Variants in SLC33A1 observed in about 807,000 individuals in gnomAD.
SLC33A1 encodes solute carrier family 33 member 1.
Under a neutral mutation model 50.0 loss-of-function variants are expected in SLC33A1, and 20 were observed. The observed-to-expected ratio is 0.40, with a 90% confidence interval of 0.28 to 0.58. SLC33A1 has a LOEUF of 0.58. Among genes scored for constraint, SLC33A1 ranks in the 20% least tolerant of loss-of-function variants. The pLI, the probability that SLC33A1 is intolerant of heterozygous loss-of-function variation, is 0.44. For missense variants in SLC33A1, 476 were observed against 657.0 expected, an observed-to-expected ratio of 0.72 and a Z score of 3.01; for synonymous variants, 265 against 251.8, an observed-to-expected ratio of 1.05 and a Z score of -0.50.
rs997418835 is a variant in SLC33A1, at chr3:155,827,610, A to G, written c.*600T>C. On this transcript the variant is annotated 3_prime_UTR_variant, in exon 6 of 6. Transcript: ENST00000643144. ...TCTTTAATGCTTACAAAAGCAGGAA[A>G]TACATTTAAAATAGTCTTTTTAACA... 17 of 152,226 alleles carry G rather than the reference A, an allele frequency of 1.1e-4. No homozygotes were observed. Among genetic ancestry groups the G allele is most frequent in the African/African-American group, 4.1e-4 (17 of 41,464 alleles). The allele number at this position is 152,226 out of a possible 1,614,324, so 9.4% of individuals were successfully genotyped here.
Position 155,821,764 on chromosome 3 carries a change from C to A in SLC33A1, c.*6446G>T, listed in dbSNP as rs1026451605. 7.2e-6 allele frequency: 1 copy of A among 138,466 alleles called. No individual in the cohort carries two copies. Among genetic ancestry groups the A allele is most frequent in the African/African-American group, 3.3e-5 (1 of 30,064 alleles). The allele number at this position is 138,466 out of a possible 1,614,324, so 8.6% of individuals were successfully genotyped here. A position where few individuals can be genotyped will look rare whatever the true frequency, so the allele number is the denominator to read the frequency against. ...TACAGACGTGAGCCACTGGACCCGG[C>A]CGCATTTTTTTTTTTTTTTTTTAAT... On this transcript the variant is annotated 3_prime_UTR_variant, in exon 6 of 6. Coordinates refer to ENST00000643144, the MANE Select transcript of SLC33A1 (RefSeq NM_004733.4).
chr3:155,829,972 C>T, intron 4 of SLC33A1, 69 bp from the exon 5 acceptor site: 2 of 977,896 alleles, frequency 2.0e-6, no homozygotes, highest in Non-Finnish European at 1.6e-6. Context: ...AAATTAAGAA[C>T]ATCAAAGTCA....
At chr3:155,852,461 A>T (rs573920258) in intron 1 of SLC33A1, among the ~76,000 whole-genome samples, 1 of 152,366 alleles carries the variant, frequency 6.6e-6, no homozygotes, top group Non-Finnish European at 1.5e-5. Context: ...AAATCTTACT[A>T]ATTTAGTCAC....
rs1323687264 is a variant in SLC33A1, at chr3:155,853,761, G to T, written c.237C>A (p.Leu79=). Residue 79 remains leucine, a synonymous_variant, in exon 1 of 6, where the codon CTC becomes CTA. Coordinates refer to ENST00000643144, the MANE Select transcript of SLC33A1 (RefSeq NM_004733.4). The part of the protein sequence containing the change: ...RAELSSILLL[L]FLYVLQGIPL... The stretch of plus-strand genomic sequence containing the variant: ...GAATACCCTGAAGCACGTAAAGAAA[G>T]AGTAGTAGCAAAATGCTGCTTAGTT... The T allele has an allele frequency of 1.2e-6, 2 of 1,614,020 alleles. No homozygotes were observed. The highest frequency in any genetic ancestry group is 4.5e-5 in the East Asian group (2 of 44,880).
At position 155,825,359 on chromosome 3, in the gene SLC33A1, T is replaced by C. The variant is rs914027817; in HGVS notation, c.*2851A>G. 1 of 152,094 alleles carries C rather than the reference T, an allele frequency of 6.6e-6. No individual in the cohort carries two copies. The highest frequency in any genetic ancestry group is 2.4e-5 in the African/African-American group (1 of 41,416). The allele number at this position is 152,094 out of a possible 1,614,324, so 9.4% of individuals were successfully genotyped here. On this transcript the variant is annotated 3_prime_UTR_variant, in exon 6 of 6. Transcript: ENST00000643144. ...GTCATAAAGACAGGTTCTTATTATA[T>C]TGACCAGGTTGGTCTTGAACTCTTG...
rs1224945846 is a variant in SLC33A1, at chr3:155,833,920, A to G, written c.1085T>C (p.Ile362Thr). The G allele has an allele frequency of 1.2e-6, 2 of 1,613,960 alleles. No homozygotes were observed. ...MVPLQIILPL[I>T]ISKYTAGPQP... ...GGGACCTGCAGTGTATTTGCTGATA[A>G]TCAGAGGCAGTATTATCTGCAAAGG... Residue 362 changes from isoleucine (I) to threonine (T), a missense_variant, in exon 3 of 6, where the codon ATT becomes ACT. Physicochemically the swap from Ile to Thr is moderately conservative, Grantham distance 89. Coordinates refer to ENST00000643144, the MANE Select transcript of SLC33A1 (RefSeq NM_004733.4).
intron 1 of SLC33A1, among the ~76,000 whole-genome samples, chr3:155,851,040 G>A (rs926228332): frequency 5.9e-5 from 9 of 151,862 alleles, no homozygotes; most frequent in African/African-American, 1.2e-4. Context: ...TCAGGAGATC[G>A]AGACCATCCT....
chr3:155,840,508 C>T (rs1752888439), intron 2 of SLC33A1, among the ~76,000 whole-genome samples: 1 of 151,788 alleles, frequency 6.6e-6, no homozygotes, highest in Non-Finnish European at 1.5e-5. Context: ...AGGGTGAAAC[C>T]CTCTCTTCAT....
In SLC33A1 at chr3:155,848,515, T is replaced by C. The variant is rs9826557; in HGVS notation, c.775+4708A>G. 6.2e-3 allele frequency among the ~76,000 whole-genome samples: 945 copies of C among 152,216 alleles called. 16 individuals carry two copies. The highest frequency in any genetic ancestry group is 0.021 in the African/African-American group (892 of 41,520). On this transcript the variant is annotated intron_variant, in intron 1 of 5. Coordinates refer to ENST00000643144, the MANE Select transcript of SLC33A1 (RefSeq NM_004733.4). ...GGCTAACATGGTGCAACCCTGTCTCTACTAAAAATACAAAAAATTAGCAGG... is the reference window on the plus strand; with the variant it reads ...GGCTAACATGGTGCAACCCTGTCTCCACTAAAAATACAAAAAATTAGCAGG...
At chr3:155,844,283 C>T (rs6441017) in intron 1 of SLC33A1, among the ~76,000 whole-genome samples, 63,707 of 151,090 alleles carry the variant, frequency 0.42, 16,367 homozygotes, top group African/African-American at 0.73. Context: ...TAAATACAGA[C>T]GAGGAAAAGA....
chr3:155,853,719 T>C lies in SLC33A1; in HGVS notation c.279A>G (p.Gly93=), dbSNP rs1560025287. ...VLQGIPLGLA[G]SIPLILQSKN... is the part of the protein sequence containing the mutation. ...TGCTTTGCAAAATGAGTGGGATGCTTCCCGCCAAGCCCAGGGGAATACCCT... is the reference window on the plus strand; with the variant it reads ...TGCTTTGCAAAATGAGTGGGATGCTCCCCGCCAAGCCCAGGGGAATACCCT... Residue 93 remains glycine (G), a synonymous_variant, in exon 1 of 6, where the codon GGA becomes GGG. Transcript: ENST00000643144. 1.2e-6 allele frequency: 2 copies of C among 1,614,108 alleles called. No homozygotes were observed.
At position 155,825,721 on chromosome 3, in the gene SLC33A1, T is replaced by C. The variant is rs958188257; in HGVS notation, c.*2489A>G. ...AAATGTTCAATCTAATATTAGCCAGTAAACATATGATGCATTAACTGGAGG... is the reference window on the plus strand; with the variant it reads ...AAATGTTCAATCTAATATTAGCCAGCAAACATATGATGCATTAACTGGAGG... On this transcript the variant is annotated 3_prime_UTR_variant, in exon 6 of 6. Coordinates refer to ENST00000643144, the MANE Select transcript of SLC33A1 (RefSeq NM_004733.4). 3 of 152,184 alleles carry C rather than the reference T, an allele frequency of 2.0e-5. No homozygotes were observed. The highest frequency in any genetic ancestry group is 7.2e-5 in the African/African-American group (3 of 41,452). The allele number at this position is 152,184 out of a possible 1,614,324, so 9.4% of individuals were successfully genotyped here.
At position 155,852,524 on chromosome 3, in the gene SLC33A1, C is replaced by T. The variant is rs562871514; in HGVS notation, c.775+699G>A. ...CCAGTTCCACAATTTAGGCAATGTC[C>T]TGTACTTTTTTGTACTTTCCTGCCT... On this transcript the variant is annotated intron_variant, in intron 1 of 5. Coordinates refer to ENST00000643144, the MANE Select transcript of SLC33A1 (RefSeq NM_004733.4). 3.3e-5 allele frequency among the ~76,000 whole-genome samples: 5 copies of T among 152,320 alleles called. No homozygotes were observed. The South Asian group carries it at 8.3e-4, about 25-fold the overall frequency.
intron 2 of SLC33A1, among the ~76,000 whole-genome samples, chr3:155,839,870 G>C (rs78888068): frequency 0.016 from 2,449 of 151,654 alleles, 73 homozygotes; most frequent in African/African-American, 0.056. Flanking sequence ...GTTTGAACAA[G>C]GGAGGCAGAG....
intron 1 of SLC33A1, among the ~76,000 whole-genome samples, chr3:155,851,673 C>A (rs1211714139): frequency 6.6e-6 from 1 of 152,136 alleles, no homozygotes; most frequent in Non-Finnish European, 1.5e-5. Context: ...CCACCTCAGC[C>A]TCCCAAAGTG....
At chr3:155,851,051 G>A (rs1319245562) in intron 1 of SLC33A1, among the ~76,000 whole-genome samples, 3 of 151,862 alleles carry the variant, frequency 2.0e-5, no homozygotes, top group Non-Finnish European at 4.4e-5. Context: ...AGACCATCCT[G>A]GCCAACACAG....
At chr3:155,839,373 CA>C (rs1198585213) in intron 2 of SLC33A1, among the ~76,000 whole-genome samples, 299 of 18,282 alleles carry the variant, frequency 0.016, no homozygotes, top group Non-Finnish European at 0.024. Context: ...GACTCTGTCT[CA>C]AAAAAAAAAA....
intron 1 of SLC33A1, among the ~76,000 whole-genome samples, chr3:155,849,889 C>A (rs1030606365): frequency 2.1e-5 from 3 of 144,904 alleles, no homozygotes; most frequent in African/African-American, 7.5e-5. Context: ...CCCTGGGCGA[C>A]AGAGCGAGAC....
chr3:155,824,303 A>T lies in SLC33A1; in HGVS notation c.*3907T>A, dbSNP rs1752154569. ...GACATACAGCTTTAGTCATTCTTTC[A>T]ATTACTTGGAACCACAGAATTCTCC... is the stretch of plus-strand genomic sequence containing the variant. On this transcript the variant is annotated 3_prime_UTR_variant, in exon 6 of 6. Transcript: ENST00000643144. The T allele has an allele frequency of 6.6e-6, 1 of 152,204 alleles. No individual in the cohort carries two copies. Among genetic ancestry groups the T allele is most frequent in the African/African-American group, 2.4e-5 (1 of 41,448 alleles). The allele number at this position is 152,204 out of a possible 1,614,324, so 9.4% of individuals were successfully genotyped here.
Sources: gnomAD v4.1 joint callset for allele counts (sites outside exome capture counted in the v4.1 genomes callset) on GRCh38, gnomAD v4.1.1 for gene constraint, MANE v1.5 for transcripts, NCBI Gene and HGNC (gene_info 2026-07-23, HGNC 2026-07-21) for gene names.